Variants in CARD6 observed in about 807,000 individuals in gnomAD.
CARD6 encodes caspase recruitment domain-containing protein 6.
CARD6 carries 27 observed loss-of-function variants against 23.6 expected under a neutral mutation model. The observed-to-expected ratio is 1.14, with a 90% CI of 0.84 to 1.58. The LOEUF (loss-of-function observed/expected upper bound fraction) is 1.58. Ranked by LOEUF, CARD6 falls within the 40% of genes most tolerant of loss-of-function variation. The pLI, the probability that CARD6 is intolerant of heterozygous loss-of-function variation, is 0.00. For synonymous variants in CARD6, 397 were observed against 431.8 expected (o/e 0.92, Z 1.00); for missense variants, 1,214 against 1,209.9 (o/e 1.00, Z -0.05).
chr5:40,849,114 A>G (rs966674917), intron 2 of CARD6, among the ~76,000 whole-genome samples: 2 of 152,038 alleles, frequency 1.3e-5, no homozygotes, highest in African/African-American at 4.8e-5. Context: ...CTCCTGCCTC[A>G]GCCTCCTGAG....
intron 2 of CARD6, among the ~76,000 whole-genome samples, chr5:40,850,721 C>CAAAAA (rs34372703): frequency 2.1e-4 from 10 of 46,538 alleles, no homozygotes; most frequent in South Asian, 1.3e-3. Context: ...ACTCCGTCTC[C>CAAAAA]AAAAAAAAAA....
At chr5:40,841,776 G>A in intron 1 of CARD6, 111 bp downstream of exon 1, 1 of 922,672 alleles carries the variant, frequency 1.1e-6, no homozygotes, top group Non-Finnish European at 1.6e-6. Context: ...GTCTTTTTCT[G>A]GAGATAATTT....
intron 2 of CARD6, among the ~76,000 whole-genome samples, chr5:40,844,007 CGAG>C (rs1285502701): frequency 6.6e-6 from 1 of 152,196 alleles, no homozygotes; most frequent in East Asian, 1.9e-4. Flanking sequence ...ATTATACGTA[CGAG>C]GAGTTGCTAA....
rs531672721 is a variant in CARD6, at chr5:40,853,950, C to A, written c.2618C>A (p.Thr873Asn). The change falls in exon 3 of 3, where the codon ACC becomes AAC. Residue 873 changes from threonine (T) to asparagine (N), a missense_variant. Thr to Asn is a moderately conservative substitution (Grantham distance 65). Transcript: ENST00000254691. ...AAGCCATGGCCTCAGCAAGCTTGCA[C>A]CAGGGTAACAGAGTTAACTGAAGCA... ...VGKPWPQQAC[T>N]RVTELTEATG... is the part of the protein sequence containing the mutation. 3.1e-6 allele frequency: 5 copies of A among 1,614,168 alleles called. No homozygotes were observed. Among genetic ancestry groups the A allele is most frequent in the East Asian group, 2.2e-5 (1 of 44,874 alleles).
Position 40,853,496 on chromosome 5 carries a change from C to T in CARD6, c.2164C>T (p.Pro722Ser), listed in dbSNP as rs750718581. The part of the protein sequence containing the change: ...SQNLQNLYGT[P>S]VFRPVLENSW... The stretch of plus-strand genomic sequence containing the variant: ...GAATCTTCAGAATCTCTATGGTACC[C>T]CAGTATTCAGGCCTGTTCTAGAGAA... Residue 722 changes from proline to serine, a missense_variant, in exon 3 of 3, where the codon CCA (proline) becomes TCA (serine). By Grantham distance (74) the Pro-to-Ser change is moderately conservative (BLOSUM62 -1). Coordinates refer to ENST00000254691, the MANE Select transcript of CARD6 (RefSeq NM_032587.4). The T allele has an allele frequency of 1.2e-6, 2 of 1,614,154 alleles. No homozygotes were observed. Among genetic ancestry groups the T allele is most frequent in the South Asian group, 1.1e-5 (1 of 91,084 alleles).
Position 40,853,511 on chromosome 5 carries a change from G to A in CARD6, c.2179G>A (p.Val727Ile), listed in dbSNP as rs1191684503. 1 of 1,614,214 alleles carries A rather than the reference G, an allele frequency of 6.2e-7. No homozygotes were observed. The highest frequency in any genetic ancestry group is 8.5e-7 in the Non-Finnish European group (1 of 1,180,024). ...CTATGGTACCCCAGTATTCAGGCCT[G>A]TTCTAGAGAACTCCTGGCTCTTTCC... ...NLYGTPVFRP[V>I]LENSWLFPTR... Residue 727 changes from valine to isoleucine, a missense_variant, in exon 3 of 3, where the codon GTT (valine) becomes ATT (isoleucine). Transcript: ENST00000254691.
Position 40,853,091 on chromosome 5 carries a change from G to C in CARD6, c.1759G>C (p.Ala587Pro). Residue 587 changes from alanine (A) to proline (P), a missense_variant, in exon 3 of 3, where the codon GCC becomes CCC. Transcript: ENST00000254691. ...ERCYFVLSSQ[A>P]RESEEAQIFQ... ...ATGCTACTTTGTTCTCAGTTCCCAAGCCAGGGAGAGTGAAGAGGCTCAAAT... is the reference window on the plus strand; with the variant it reads ...ATGCTACTTTGTTCTCAGTTCCCAACCCAGGGAGAGTGAAGAGGCTCAAAT... 1 of 1,614,150 alleles carries C rather than the reference G, an allele frequency of 6.2e-7. No homozygotes were observed. Among genetic ancestry groups the C allele is most frequent in the South Asian group, 1.1e-5 (1 of 91,084 alleles).
chr5:40,852,876 A>G lies in CARD6; in HGVS notation c.1544A>G (p.Asp515Gly). Reference sequence around the variant, plus strand: ...ATAACATGGTGTTTTCCTGATAGCGATGATAGAAAGGAAAACCCCTTTTTC... The same window carrying G: ...ATAACATGGTGTTTTCCTGATAGCGGTGATAGAAAGGAAAACCCCTTTTTC... ...VEITWCFPDS[D>G]DRKENPFFQK... is the part of the protein sequence containing the mutation. Residue 515 changes from aspartate (D) to glycine (G), a missense_variant, in exon 3 of 3, where the codon GAT (aspartate) becomes GGT (glycine). Asp to Gly is a moderately conservative substitution (Grantham distance 94). Coordinates refer to ENST00000254691, the MANE Select transcript of CARD6 (RefSeq NM_032587.4). 1 of 1,614,026 alleles carries G rather than the reference A, an allele frequency of 6.2e-7. No individual in the cohort carries two copies. Among genetic ancestry groups the G allele is most frequent in the Non-Finnish European group, 8.5e-7 (1 of 1,179,988 alleles).
rs1746169516 is a variant in CARD6 at position 40,855,173 on chromosome 5, T to C, written c.*727T>C. On this transcript the variant is annotated 3_prime_UTR_variant, in exon 3 of 3. Transcript: ENST00000254691. ...GTTGTTGGCTGCTCCAGAGGTATCTTTGTCAAAAGCTTCTGGTTCAATATC... is the reference window on the plus strand; with the variant it reads ...GTTGTTGGCTGCTCCAGAGGTATCTCTGTCAAAAGCTTCTGGTTCAATATC... 1 of 152,316 alleles carries C rather than the reference T, an allele frequency of 6.6e-6. No individual in the cohort carries two copies. The highest frequency in any genetic ancestry group is 2.4e-5 in the African/African-American group (1 of 41,442). 9.4% of individuals were successfully genotyped at this position (152,316 alleles called of 1,614,324 possible).
In CARD6 at chr5:40,854,568, G is replaced by A. The variant is rs1031524202; in HGVS notation, c.*122G>A. ...GTCATTAGCATGTAAAACAAAGAAA[G>A]ATATACATGACTGAATTGGATATCT... On this transcript the variant is annotated 3_prime_UTR_variant, in exon 3 of 3. Coordinates refer to ENST00000254691, the MANE Select transcript of CARD6 (RefSeq NM_032587.4). The A allele has an allele frequency of 7.6e-6, 6 of 794,692 alleles. No individual in the cohort carries two copies. The highest frequency in any genetic ancestry group is 1.2e-5 in the Non-Finnish European group (6 of 490,882). 49.2% of individuals were successfully genotyped at this position (794,692 alleles called of 1,614,324 possible).
chr5:40,846,806 A>T (rs1351248750), intron 2 of CARD6, among the ~76,000 whole-genome samples: 1 of 152,194 alleles, frequency 6.6e-6, no homozygotes, highest in Non-Finnish European at 1.5e-5. Flanking sequence ...AAAGATAAAG[A>T]TGCTATTTAC....
chr5:40,853,118 T>G lies in CARD6; in HGVS notation c.1786T>G (p.Phe596Val), dbSNP rs903409264. Reference sequence around the variant, plus strand: ...CAGGGAGAGTGAAGAGGCTCAAATTTTTCAGAGGATACTGAACTTGAAGCC... The same window carrying G: ...CAGGGAGAGTGAAGAGGCTCAAATTGTTCAGAGGATACTGAACTTGAAGCC... ...QARESEEAQIFQRILNLKPAQ... is the reference protein window; with the variant it reads ...QARESEEAQIVQRILNLKPAQ... The change falls in exon 3 of 3, where the codon TTT becomes GTT. Residue 596 changes from phenylalanine (F) to valine (V), a missense_variant. Physicochemically the swap from Phe to Val is conservative, Grantham distance 50. Transcript: ENST00000254691. The G allele has an allele frequency of 6.2e-7, 1 of 1,614,194 alleles. No individual in the cohort carries two copies.
chr5:40,851,543 C>A (rs528225899), intron 2 of CARD6, among the ~76,000 whole-genome samples: 1 of 151,298 alleles, frequency 6.6e-6, no homozygotes, highest in South Asian at 2.1e-4. Flanking sequence ...TAGATTAGAC[C>A]GGGTGTAGGG....
Position 40,841,627 on chromosome 5 carries a change from C to G in CARD6, c.245C>G (p.Thr82Ser). The change falls in exon 1 of 3, where the codon ACT becomes AGT. Residue 82 changes from threonine (T) to serine (S), a missense_variant. Thr to Ser is a moderately conservative substitution (Grantham distance 58, BLOSUM62 1). Coordinates refer to ENST00000254691, the MANE Select transcript of CARD6 (RefSeq NM_032587.4). ...CATTTTCTCAAGTGTTTATTTAGTA[C>G]TTTTCCACAGTCAGCTGCCATTTGC... The part of the protein sequence containing the change: ...CQHFLKCLFS[T>S]FPQSAAICGL... 2 of 1,613,920 alleles carry G rather than the reference C, an allele frequency of 1.2e-6. No homozygotes were observed. The highest frequency in any genetic ancestry group is 1.7e-6 in the Non-Finnish European group (2 of 1,179,936).
rs748465608 is a variant in CARD6, at chr5:40,854,247, C to A, written c.2915C>A (p.Thr972Lys). 2.5e-5 allele frequency: 40 copies of A among 1,614,048 alleles called. No homozygotes were observed. The Admixed American group carries it at 5.8e-4, about 24-fold the overall frequency. The change falls in exon 3 of 3, where the codon ACA becomes AAA. Residue 972 changes from threonine to lysine, a missense_variant. Transcript: ENST00000254691. ...CCCTCTCAACCTAAATCCTCTCAGACAAAATCCTGTCAGTCCCAGCCCTCC... is the reference window on the plus strand; with the variant it reads ...CCCTCTCAACCTAAATCCTCTCAGAAAAAATCCTGTCAGTCCCAGCCCTCC... ...SVPSQPKSSQ[T>K]KSCQSQPSQT...
chr5:40,845,313 C>G (rs917177742), intron 2 of CARD6, among the ~76,000 whole-genome samples: 4 of 152,046 alleles, frequency 2.6e-5, no homozygotes, highest in Admixed American at 6.6e-5. Flanking sequence ...AGTGTGCACC[C>G]CTTTGGCCAA....
In CARD6 at chr5:40,855,130, G is replaced by A. The variant is rs1023237133; in HGVS notation, c.*684G>A. The A allele has an allele frequency of 2.6e-5, 4 of 152,328 alleles. No homozygotes were observed. In the South Asian group the frequency reaches 8.3e-4, roughly 32 times the overall value. 9.4% of individuals were successfully genotyped at this position (152,328 alleles called of 1,614,324 possible). On this transcript the variant is annotated 3_prime_UTR_variant, in exon 3 of 3. Coordinates refer to ENST00000254691, the MANE Select transcript of CARD6 (RefSeq NM_032587.4). ...ACAATAGGACGAAAGTTGCCTCTGT[G>A]TCTGAGAAAGTATCTTAGTTGTTGG... is the stretch of plus-strand genomic sequence containing the variant.
chr5:40,845,054 G>A (rs1745943997), intron 2 of CARD6, among the ~76,000 whole-genome samples: 1 of 151,926 alleles, frequency 6.6e-6, no homozygotes, highest in Non-Finnish European at 1.5e-5. Flanking sequence ...TTTTAGTAGA[G>A]ACGAGGTTAC....
Position 40,854,226 on chromosome 5 carries a change from C to G in CARD6, c.2894C>G (p.Ser965Cys). 1 of 1,614,192 alleles carries G rather than the reference C, an allele frequency of 6.2e-7. No individual in the cohort carries two copies. The highest frequency in any genetic ancestry group is 1.3e-5 in the African/African-American group (1 of 75,050). ...CCTAAACCCTTCCATTCTGTGCCCT[C>G]TCAACCTAAATCCTCTCAGACAAAA... is the stretch of plus-strand genomic sequence containing the variant. ...SQPKPFHSVPSQPKSSQTKSC... is the reference protein window; with the variant it reads ...SQPKPFHSVPCQPKSSQTKSC... Residue 965 changes from serine (S) to cysteine (C), a missense_variant, in exon 3 of 3, where the codon TCT becomes TGT. Physicochemically the swap from Ser to Cys is moderately radical, Grantham distance 112 (BLOSUM62 -1). Transcript: ENST00000254691.
Sources: allele counts gnomAD v4.1 joint callset (sites outside exome capture counted in the v4.1 genomes callset), GRCh38; gene constraint gnomAD v4.1.1; transcripts MANE v1.5; gene names NCBI Gene and HGNC (gene_info 2026-07-23, HGNC 2026-07-21).